ENDOU: variants seen among roughly 807,000 people sequenced by gnomAD.
ENDOU encodes endonuclease, poly(U) specific, also known as uridylate-specific endoribonuclease.
In ENDOU, 49 loss-of-function variants were observed where a neutral mutation model predicts 54.2. The ratio of observed to expected loss-of-function variants is 0.90; its 90% confidence interval spans 0.72 to 1.15. ENDOU has a LOEUF of 1.15. Among genes scored for constraint, ENDOU ranks in the 50% most tolerant of loss-of-function variants. The pLI is 0.00. For missense variants in ENDOU, 458 were observed against 511.4 expected, an observed-to-expected ratio of 0.90 and a Z score of 1.01; for synonymous variants, 172 against 190.5, an observed-to-expected ratio of 0.90 and a Z score of 0.80.
At chr12:47,717,152 A>G in intron 4 of ENDOU, 94 bp from the exon 5 acceptor site, 1 of 1,066,510 alleles carries the variant, frequency 9.4e-7, no homozygotes, top group South Asian at 1.4e-5. Context: ...GGGCACCTTC[A>G]AGAAGCCAGC....
In ENDOU at chr12:47,717,636, G is replaced by T. The variant is rs1454957104; in HGVS notation, c.264C>A (p.Thr88=). Residue 88 remains threonine (T), a synonymous_variant, in exon 4 of 10, where the codon ACC becomes ACA. Transcript: ENST00000422538. ...CTTCGTAGCAGCGGCCCTGGCAGGAGGTGGGTGCCGAGTACAAGTCTGAGA... is the reference window on the plus strand; with the variant it reads ...CTTCGTAGCAGCGGCCCTGGCAGGATGTGGGTGCCGAGTACAAGTCTGAGA... The part of the protein sequence containing the change: ...ALASNLYSAP[T]SCQGRCYEAF... 6.2e-7 allele frequency: 1 copy of T among 1,614,026 alleles called. No individual in the cohort carries two copies. The highest frequency in any genetic ancestry group is 1.7e-5 in the Admixed American group (1 of 60,006).
intron 2 of ENDOU, 59 bp downstream of exon 2, chr12:47,720,694 C>T: frequency 6.6e-7 from 1 of 1,520,958 alleles, no homozygotes; most frequent in African/African-American, 1.4e-5. Flanking sequence ...CTGCTGGACA[C>T]CCAGGCCAGT....
At chr12:47,723,225 G>A (rs143278878) in intron 1 of ENDOU, among the ~76,000 whole-genome samples, 2 of 152,354 alleles carry the variant, frequency 1.3e-5, no homozygotes, top group African/African-American at 2.4e-5. Flanking sequence ...TCTCCAGCAA[G>A]AGCCCCATGC....
At chr12:47,711,350 G>A (rs1939992238) in intron 9 of ENDOU, among the ~76,000 whole-genome samples, 1 of 152,200 alleles carries the variant, frequency 6.6e-6, no homozygotes, top group Non-Finnish European at 1.5e-5. Flanking sequence ...GAGGCTGAGA[G>A]CTCTAGGACA....
At chr12:47,716,861 G>A (rs913513579) in intron 5 of ENDOU, 29 bp downstream of exon 5, 3 of 1,611,788 alleles carry the variant, frequency 1.9e-6, no homozygotes, top group East Asian at 2.2e-5. Context: ...AAGATTTAGG[G>A]GGTAGAAAGA....
In ENDOU at chr12:47,712,444, C is replaced by T. The variant is rs1040436819; in HGVS notation, c.972+72G>A. 2.1e-5 allele frequency: 25 copies of T among 1,203,920 alleles called. No individual in the cohort carries two copies. The South Asian group carries it at 2.6e-4, about 13-fold the overall frequency. 74.6% of individuals were successfully genotyped at this position (1,203,920 alleles called of 1,614,324 possible). A position where few individuals can be genotyped will look rare whatever the true frequency, so the allele number is the denominator to read the frequency against. On this transcript the variant is annotated intron_variant, in intron 8 of 9. Coordinates refer to ENST00000422538, the MANE Select transcript of ENDOU (RefSeq NM_001172439.2). ...CTGAGAGTCAGGCTGAGAGGCAAGT[C>T]GACAGTTTGGAACACAGAGTGAGAG...
intron 1 of ENDOU, among the ~76,000 whole-genome samples, chr12:47,724,739 C>A (rs550987335): frequency 1.3e-5 from 2 of 152,118 alleles, no homozygotes; most frequent in Admixed American, 6.5e-5. Flanking sequence ...CCAGTCCCAT[C>A]CCCTGGACCT....
chr12:47,712,915 TA>T (rs1235155905), intron 7 of ENDOU, among the ~76,000 whole-genome samples: 2 of 152,072 alleles, frequency 1.3e-5, no homozygotes, highest in Admixed American at 6.5e-5. Flanking sequence ...TGGGGTAGAA[TA>T]GGGGGGAACA....
At position 47,710,162 on chromosome 12, in the gene ENDOU, C is replaced by T. The variant is rs1939933557; in HGVS notation, c.*640G>A. 6.6e-6 allele frequency: 1 copy of T among 152,226 alleles called. No homozygotes were observed. The highest frequency in any genetic ancestry group is 1.5e-5 in the Non-Finnish European group (1 of 68,094). The allele number at this position is 152,226 out of a possible 1,614,324, so 9.4% of individuals were successfully genotyped here. On this transcript the variant is annotated 3_prime_UTR_variant, in exon 10 of 10. Coordinates refer to ENST00000422538, the MANE Select transcript of ENDOU (RefSeq NM_001172439.2). ...GCCCATTCACTGCACCAACCTATTA[C>T]CCTTCTCCATTCAGCATTGGAGTTC... is the stretch of plus-strand genomic sequence containing the variant.
chr12:47,713,971 G>A (rs910888361), intron 6 of ENDOU, among the ~76,000 whole-genome samples: 9 of 152,182 alleles, frequency 5.9e-5, no homozygotes, highest in African/African-American at 9.7e-5. Flanking sequence ...TAGGAGAGGA[G>A]GTTTGAGAAG....
chr12:47,713,131 A>C (rs997662396), intron 7 of ENDOU, 144 bp downstream of exon 7: 17 of 603,700 alleles, frequency 2.8e-5, no homozygotes, highest in East Asian at 8.5e-5. Context: ...CCCCCCTGCC[A>C]TATGGGCAGG....
chr12:47,711,762 G>A lies in ENDOU; in HGVS notation c.986C>T (p.Pro329Leu), dbSNP rs748297866. The A allele has an allele frequency of 6.2e-6, 10 of 1,614,178 alleles. No individual in the cohort carries two copies. Among genetic ancestry groups the A allele is most frequent in the Non-Finnish European group, 8.5e-6 (10 of 1,180,038 alleles). ...HIYDGPWDSY[P>L]DVLAMQFNWD... is the part of the protein sequence containing the mutation. ...GTTGAACTGCATTGCCAGCACATCG[G>A]GGTAAGAATCCCACTGTGGAGGGAA... is the stretch of plus-strand genomic sequence containing the variant. The change falls in exon 9 of 10, where the codon CCC (proline) becomes CTC (leucine). Residue 329 changes from proline (P) to leucine (L), a missense_variant. Pro to Leu is a moderately conservative substitution (Grantham distance 98). Transcript: ENST00000422538.
Position 47,716,890 on chromosome 12 carries a change from G to T in ENDOU, c.551C>A (p.Pro184Gln), listed in dbSNP as rs199710154. 1.2e-6 allele frequency: 2 copies of T among 1,614,032 alleles called. No homozygotes were observed. Among genetic ancestry groups the T allele is most frequent in the South Asian group, 2.2e-5 (2 of 91,074 alleles). The change falls in exon 5 of 10, where the codon CCA (proline) becomes CAA (glutamine). Residue 184 changes from proline (P) to glutamine (Q), a missense_variant and splice_region_variant. By Grantham distance (76) the Pro-to-Gln change is moderately conservative. Coordinates refer to ENST00000422538, the MANE Select transcript of ENDOU (RefSeq NM_001172439.2). Reference sequence around the variant, plus strand: ...AGAAAGAGGAATTGTGGGAACTCACGGCTTTGGGCAGCGATCCACTTGGTT... The same window carrying T: ...AGAAAGAGGAATTGTGGGAACTCACTGCTTTGGGCAGCGATCCACTTGGTT... ...TRNQVDRCPK[P>Q]LFTYVNEKLF...
At chr12:47,715,504 ACTT>A (rs1487559509) in intron 6 of ENDOU, among the ~76,000 whole-genome samples, 2 of 152,202 alleles carry the variant, frequency 1.3e-5, no homozygotes, top group Non-Finnish European at 2.9e-5. Flanking sequence ...CAGGATTGCA[ACTT>A]CTTCATAGAG....
rs576437888 is a variant in ENDOU, at chr12:47,710,614, T to C, written c.*188A>G. ...TCTAGAGGATAAAGGTTTGACTGTT[T>C]ATCCACATTTTTCTAATTTGTACAT... On this transcript the variant is annotated 3_prime_UTR_variant, in exon 10 of 10. Coordinates refer to ENST00000422538, the MANE Select transcript of ENDOU (RefSeq NM_001172439.2). The C allele has an allele frequency of 1.2e-5, 7 of 567,116 alleles. No homozygotes were observed. The highest frequency in any genetic ancestry group is 2.2e-5 in the Non-Finnish European group (7 of 313,334). The allele number at this position is 567,116 out of a possible 1,614,324, so 35.1% of individuals were successfully genotyped here.
chr12:47,711,477 T>C (rs886363122), intron 9 of ENDOU, among the ~76,000 whole-genome samples, 156 bp downstream of exon 9: 4 of 152,226 alleles, frequency 2.6e-5, no homozygotes, highest in African/African-American at 7.2e-5. Context: ...ATCCAAAAAC[T>C]TAATTGTTCA....
chr12:47,721,844 G>A (rs767929109), intron 1 of ENDOU, among the ~76,000 whole-genome samples: 3 of 152,184 alleles, frequency 2.0e-5, no homozygotes, highest in African/African-American at 4.8e-5. Context: ...TTTCACGAAC[G>A]CTGGGTTCAG....
chr12:47,710,562 C>G lies in ENDOU; in HGVS notation c.*240G>C. The stretch of plus-strand genomic sequence containing the variant: ...GGTTCCTACCTTCTCTGCTTGGACT[C>G]TGTTTCTTAGTCAACATTGCCAAAA... On this transcript the variant is annotated 3_prime_UTR_variant, in exon 10 of 10. Transcript: ENST00000422538. The G allele has an allele frequency of 2.3e-6, 1 of 436,246 alleles. No homozygotes were observed. The highest frequency in any genetic ancestry group is 4.3e-6 in the Non-Finnish European group (1 of 234,264). 27.0% of individuals were successfully genotyped at this position (436,246 alleles called of 1,614,324 possible).
At chr12:47,711,394 G>A (rs547591244) in intron 9 of ENDOU, among the ~76,000 whole-genome samples, 20 of 152,272 alleles carry the variant, frequency 1.3e-4, no homozygotes, top group Non-Finnish European at 2.6e-4. Flanking sequence ...AAGGTCCTGC[G>A]TAAGATTTCA....
Sources: allele counts gnomAD v4.1 joint callset (sites outside exome capture counted in the v4.1 genomes callset), GRCh38; gene constraint gnomAD v4.1.1; transcripts MANE v1.5; gene names NCBI Gene and HGNC (gene_info 2026-07-23, HGNC 2026-07-21).